The following THSD7A variants were observed in gnomAD, a reference collection of about 807,000 sequenced individuals.
THSD7A encodes thrombospondin type 1 domain containing 7A.
A neutral mutation model predicts 231.3 loss-of-function variants in THSD7A; 96 were observed. The observed-to-expected ratio is 0.41, with a 90% CI of 0.35 to 0.49. THSD7A has a LOEUF of 0.49. Ranked by LOEUF, THSD7A falls within the 20% of genes least tolerant of loss-of-function variation. The pLI is 0.05. For missense variants in THSD7A, 2,290 were observed against 2,070.2 expected (o/e 1.11, Z -2.06); for synonymous variants, 940 against 743.3 (o/e 1.26, Z -4.30).
intron 2 of THSD7A, among the ~76,000 whole-genome samples, chr7:11,597,732 G>A (rs1311581532): frequency 6.6e-6 from 1 of 152,076 alleles, no homozygotes; most frequent in Non-Finnish European, 1.5e-5. Flanking sequence ...TCATGTACTG[G>A]GTGCTTTCTG....
At chr7:11,585,951 G>A (rs1779884624) in intron 4 of THSD7A, among the ~76,000 whole-genome samples, 1 of 151,958 alleles carries the variant, frequency 6.6e-6, no homozygotes, top group African/African-American at 2.4e-5. Context: ...TCAATGTTAT[G>A]ACAAAATGTT....
At chr7:11,395,074 T>C (rs1783129403) in intron 23 of THSD7A, among the ~76,000 whole-genome samples, 1 of 151,370 alleles carries the variant, frequency 6.6e-6, no homozygotes. Flanking sequence ...AGGTGACCCA[T>C]CTCACGTGCA....
At chr7:11,770,680 T>G (rs1229191342) in intron 1 of THSD7A, among the ~76,000 whole-genome samples, 1 of 152,172 alleles carries the variant, frequency 6.6e-6, no homozygotes, top group Non-Finnish European at 1.5e-5. Flanking sequence ...CTAGATTGTG[T>G]GATTTAAATT....
At chr7:11,592,478 T>A (rs6967949) in intron 3 of THSD7A, among the ~76,000 whole-genome samples, 63,948 of 152,012 alleles carry the variant, frequency 0.42, 14,402 homozygotes, top group African/African-American at 0.57. Flanking sequence ...ACCAAAATAA[T>A]TCACAATGAT....
intron 8 of THSD7A, among the ~76,000 whole-genome samples, chr7:11,473,981 T>A (rs1159543819): frequency 1.3e-5 from 2 of 151,924 alleles, no homozygotes; most frequent in Admixed American, 1.3e-4. Context: ...ATATAGGAGG[T>A]CATGGATGAC....
intron 1 of THSD7A, among the ~76,000 whole-genome samples, chr7:11,650,832 TG>T (rs1385316777): frequency 1.3e-5 from 2 of 151,926 alleles, no homozygotes; most frequent in Non-Finnish European, 2.9e-5. Context: ...TGTTTTGTTT[TG>T]TTTTTTTCTA....
rs368326002 is a variant in THSD7A at position 11,616,069 on chromosome 7, T to A, written c.1022+20061A>T. ...TAATGTCATAGTGCTATTTATTGAA[T>A]AATTTTTCCTTTATTTACTGGTTTG... On this transcript the variant is annotated intron_variant, in intron 2 of 27. Transcript: ENST00000423059. Among the ~76,000 whole-genome samples, 103 of 152,326 alleles carry A rather than the reference T, an allele frequency of 6.8e-4. 3 individuals are homozygous for A. The South Asian group carries it at 0.021, about 31-fold the overall frequency.
At chr7:11,428,914 C>A (rs1440951657) in intron 14 of THSD7A, 33 bp downstream of exon 14, 1 of 1,561,384 alleles carries the variant, frequency 6.4e-7, no homozygotes, top group Admixed American at 2.1e-5. Context: ...TGAATCTCAA[C>A]AATATCTTAA....
At chr7:11,570,166 G>GA (rs1790560681) in intron 4 of THSD7A, among the ~76,000 whole-genome samples, 1 of 150,582 alleles carries the variant, frequency 6.6e-6, no homozygotes, top group Non-Finnish European at 1.5e-5. Flanking sequence ...GCAAGATCTT[G>GA]AAAAAAGAAA....
At chr7:11,627,992 C>G (rs1476067666) in intron 2 of THSD7A, among the ~76,000 whole-genome samples, 1 of 151,916 alleles carries the variant, frequency 6.6e-6, no homozygotes, top group Non-Finnish European at 1.5e-5. Flanking sequence ...GCCTTACAAT[C>G]CTAGCTAAAG....
intron 1 of THSD7A, among the ~76,000 whole-genome samples, chr7:11,658,583 T>C (rs1782796009): frequency 6.6e-6 from 1 of 151,716 alleles, no homozygotes; most frequent in Admixed American, 6.6e-5. Flanking sequence ...TGATAAACAC[T>C]GCCCCTAAGA....
At chr7:11,588,704 A>AGTT (rs1780022221) in intron 4 of THSD7A, among the ~76,000 whole-genome samples, 3 of 152,326 alleles carry the variant, frequency 2.0e-5, no homozygotes, top group East Asian at 3.9e-4. Context: ...AACCTACAGG[A>AGTT]CATAATTGAC....
chr7:11,499,290 G>A (rs1035115188), intron 6 of THSD7A, among the ~76,000 whole-genome samples: 10 of 152,176 alleles, frequency 6.6e-5, no homozygotes, highest in African/African-American at 2.2e-4. Context: ...ATGACCTGCT[G>A]ACTGCACTGA....
intron 1 of THSD7A, among the ~76,000 whole-genome samples, chr7:11,727,353 G>A (rs1781582289): frequency 6.6e-6 from 1 of 151,710 alleles, no homozygotes; most frequent in African/African-American, 2.4e-5. Context: ...TCTAATAACA[G>A]CAATCCCCCT....
intron 1 of THSD7A, among the ~76,000 whole-genome samples, chr7:11,753,470 G>T (rs1469059025): frequency 6.6e-6 from 1 of 151,748 alleles, no homozygotes; most frequent in East Asian, 2.0e-4. Context: ...ATTTGCTATA[G>T]CTTAAACTTA....
chr7:11,741,246 T>C (rs1362928104), intron 1 of THSD7A, among the ~76,000 whole-genome samples: 1 of 151,954 alleles, frequency 6.6e-6, no homozygotes, highest in East Asian at 1.9e-4. Context: ...TACTTTGCTT[T>C]GTGGTTTTGA....
intron 1 of THSD7A, among the ~76,000 whole-genome samples, chr7:11,725,677 G>T (rs1781522222): frequency 1.3e-5 from 2 of 151,822 alleles, no homozygotes; most frequent in Admixed American, 1.3e-4. Flanking sequence ...GATGTTAATG[G>T]TATCTTCCAT....
chr7:11,417,230 G>GC (rs1249310757), intron 17 of THSD7A, among the ~76,000 whole-genome samples: 1 of 152,166 alleles, frequency 6.6e-6, no homozygotes, highest in Non-Finnish European at 1.5e-5. Flanking sequence ...AGTAAAGCTT[G>GC]CAAGAGGTGG....
At chr7:11,665,688 C>T (rs1027556713) in intron 1 of THSD7A, among the ~76,000 whole-genome samples, 1 of 152,052 alleles carries the variant, frequency 6.6e-6, no homozygotes, top group African/African-American at 2.4e-5. Context: ...AAAGCACGGT[C>T]TTGGACAAAG....
Sources: allele counts gnomAD v4.1 joint callset (sites outside exome capture counted in the v4.1 genomes callset), GRCh38; gene constraint gnomAD v4.1.1; transcripts MANE v1.5; gene names NCBI Gene and HGNC (gene_info 2026-07-23, HGNC 2026-07-21).